Variants in COL8A1 observed in about 807,000 individuals in gnomAD.
COL8A1 encodes collagen alpha-1(VIII) chain.
COL8A1 carries 21 observed loss-of-function variants against 42.7 expected under a neutral mutation model. The observed-to-expected ratio is 0.49, with a 90% CI of 0.35 to 0.71. COL8A1 has a LOEUF of 0.71. Ranked by LOEUF, COL8A1 falls within the 30% of genes least tolerant of loss-of-function variation. COL8A1 has a pLI of 0.01. For missense variants in COL8A1, 788 were observed against 962.4 expected, an observed-to-expected ratio of 0.82 and a Z score of 2.40; for synonymous variants, 367 against 369.1, an observed-to-expected ratio of 0.99 and a Z score of 0.06.
At chr3:99,783,787 A>C (rs553546365) in intron 2 of COL8A1, among the ~76,000 whole-genome samples, 60 of 152,278 alleles carry the variant, frequency 3.9e-4, no homozygotes, top group Non-Finnish European at 6.6e-4. Flanking sequence ...AAACCATCAG[A>C]TCTCATGAGA....
chr3:99,747,478 C>T (rs939730391), intron 2 of COL8A1, among the ~76,000 whole-genome samples: 13 of 152,178 alleles, frequency 8.5e-5, no homozygotes, highest in African/African-American at 1.4e-4. Flanking sequence ...AAAATATCCA[C>T]GGAAAACCTG....
chr3:99,642,126 G>C (rs1413530297), intron 1 of COL8A1, among the ~76,000 whole-genome samples: 4 of 152,122 alleles, frequency 2.6e-5, no homozygotes, highest in African/African-American at 9.7e-5. Flanking sequence ...CTAAATTATA[G>C]CTCTATTAAA....
At chr3:99,766,937 G>A (rs1362969091) in intron 2 of COL8A1, among the ~76,000 whole-genome samples, 2 of 139,674 alleles carry the variant, frequency 1.4e-5, no homozygotes, top group South Asian at 2.3e-4. Flanking sequence ...CAACAAGAGC[G>A]AAACTCTGTC....
intron 1 of COL8A1, among the ~76,000 whole-genome samples, chr3:99,696,112 C>A (rs575633499): frequency 4.9e-4 from 74 of 152,070 alleles, no homozygotes; most frequent in African/African-American, 1.7e-3. Context: ...CCGGCCTGGG[C>A]GACAGAGTGA....
At chr3:99,698,721 G>T (rs1939448692) in intron 1 of COL8A1, among the ~76,000 whole-genome samples, 1 of 152,338 alleles carries the variant, frequency 6.6e-6, no homozygotes, top group South Asian at 2.1e-4. Flanking sequence ...AAATTGCTCT[G>T]TGTATGTACT....
At chr3:99,766,997 T>C (rs1289431855) in intron 2 of COL8A1, among the ~76,000 whole-genome samples, 1 of 152,060 alleles carries the variant, frequency 6.6e-6, no homozygotes, top group Admixed American at 6.6e-5. Context: ...TCTCATGATA[T>C]TGCATCACAA....
chr3:99,661,973 G>A (rs766854634), intron 1 of COL8A1, among the ~76,000 whole-genome samples: 1 of 152,092 alleles, frequency 6.6e-6, no homozygotes, highest in Non-Finnish European at 1.5e-5. Flanking sequence ...GAGGAAATGG[G>A]GAGTTATTTT....
chr3:99,732,547 CA>C (rs1940546164), intron 1 of COL8A1, among the ~76,000 whole-genome samples: 1 of 152,100 alleles, frequency 6.6e-6, no homozygotes, highest in South Asian at 2.1e-4. Context: ...ATCCTGAGAA[CA>C]GCATAAGGGT....
At chr3:99,768,150 C>T (rs1366637597) in intron 2 of COL8A1, among the ~76,000 whole-genome samples, 1 of 152,148 alleles carries the variant, frequency 6.6e-6, no homozygotes, top group Non-Finnish European at 1.5e-5. Flanking sequence ...TCCTACATTC[C>T]TGGATAAGGG....
At chr3:99,753,460 T>C (rs1941192477) in intron 2 of COL8A1, among the ~76,000 whole-genome samples, 2 of 152,164 alleles carry the variant, frequency 1.3e-5, no homozygotes, top group African/African-American at 4.8e-5. Flanking sequence ...AGGCTCACTT[T>C]GTGGGAAAGA....
intron 2 of COL8A1, among the ~76,000 whole-genome samples, chr3:99,761,644 T>G (rs1941366048): frequency 6.6e-6 from 1 of 152,186 alleles, no homozygotes; most frequent in Admixed American, 6.5e-5. Context: ...AGGAGCAGCC[T>G]GTGCACAAGT....
At chr3:99,664,601 C>A (rs1162858701) in intron 1 of COL8A1, among the ~76,000 whole-genome samples, 1 of 152,214 alleles carries the variant, frequency 6.6e-6, no homozygotes, top group Non-Finnish European at 1.5e-5. Context: ...AGCTCAGTGC[C>A]CTGTTGCAGA....
At chr3:99,707,636 A>T (rs1278616845) in intron 1 of COL8A1, among the ~76,000 whole-genome samples, 1 of 152,240 alleles carries the variant, frequency 6.6e-6, no homozygotes, top group Non-Finnish European at 1.5e-5. Context: ...CAGAGGATCT[A>T]CATGATTGGG....
intron 2 of COL8A1, among the ~76,000 whole-genome samples, chr3:99,757,416 G>T (rs1205674308): frequency 6.6e-6 from 1 of 151,988 alleles, no homozygotes; most frequent in Non-Finnish European, 1.5e-5. Flanking sequence ...GATTTTATGG[G>T]GTCTACATTT....
At chr3:99,667,926 T>C (rs1323971860) in intron 1 of COL8A1, among the ~76,000 whole-genome samples, 2 of 152,094 alleles carry the variant, frequency 1.3e-5, no homozygotes, top group African/African-American at 4.8e-5. Flanking sequence ...AACTGATAGA[T>C]ACACTGATTT....
At chr3:99,652,862 G>A (rs1342329661) in intron 1 of COL8A1, among the ~76,000 whole-genome samples, 1 of 152,142 alleles carries the variant, frequency 6.6e-6, no homozygotes, top group African/African-American at 2.4e-5. Flanking sequence ...ATGCCCAAAT[G>A]TGTGTAATTT....
intron 2 of COL8A1, among the ~76,000 whole-genome samples, chr3:99,788,862 G>C (rs1941945165): frequency 6.6e-6 from 1 of 152,082 alleles, no homozygotes; most frequent in African/African-American, 2.4e-5. Flanking sequence ...CAAACATAAG[G>C]GATTTTAGAT....
At chr3:99,687,092 C>T (rs1490837546) in intron 1 of COL8A1, among the ~76,000 whole-genome samples, 1 of 152,062 alleles carries the variant, frequency 6.6e-6, no homozygotes, top group African/African-American at 2.4e-5. Flanking sequence ...GATCCTCCTG[C>T]CTTAGTCTCC....
intron 2 of COL8A1, among the ~76,000 whole-genome samples, chr3:99,779,226 G>C (rs981622044): frequency 6.6e-6 from 1 of 152,088 alleles, no homozygotes; most frequent in Admixed American, 6.6e-5. Flanking sequence ...AGAGGTCTAT[G>C]GGTAAGGAAT....
Sources: gnomAD v4.1 joint callset for allele counts (sites outside exome capture counted in the v4.1 genomes callset) on GRCh38, gnomAD v4.1.1 for gene constraint, MANE v1.5 for transcripts, NCBI Gene and HGNC (gene_info 2026-07-23, HGNC 2026-07-21) for gene names.